SGMS2: variants seen among roughly 807,000 people sequenced by gnomAD.
SGMS2 encodes sphingomyelin synthase 2.
SGMS2 carries 21 observed loss-of-function variants against 43.8 expected under a neutral mutation model. The ratio of observed to expected loss-of-function variants is 0.48; its 90% CI spans 0.34 to 0.69. The LOEUF is 0.69. Ranked by LOEUF, SGMS2 falls within the 30% of genes least tolerant of loss-of-function variation. The pLI is 0.01. For synonymous variants in SGMS2, 167 were observed against 160.6 expected, an observed-to-expected ratio of 1.04 and a Z score of -0.30; for missense variants, 384 against 443.2, an observed-to-expected ratio of 0.87 and a Z score of 1.20.
intron 2 of SGMS2, among the ~76,000 whole-genome samples, chr4:107,892,801 G>A (rs1291055655): frequency 1.3e-5 from 2 of 152,140 alleles, no homozygotes; most frequent in South Asian, 4.1e-4. Flanking sequence ...ATGAGCAGAT[G>A]TGTGACTTTG....
In SGMS2 at chr4:107,899,647, T is replaced by A; in HGVS notation, c.528T>A (p.Val176=). 5.0e-6 allele frequency: 8 copies of A among 1,613,372 alleles called. No homozygotes were observed. The highest frequency in any genetic ancestry group is 6.8e-6 in the Non-Finnish European group (8 of 1,179,644). The change falls in exon 4 of 7, where the codon GTT becomes GTA. Residue 176 remains valine (V), a synonymous_variant. Coordinates refer to ENST00000690982, the MANE Select transcript of SGMS2 (RefSeq NM_001375905.1). ...LYLYRCITMY[V]TTLPVPGMHF... is the part of the protein sequence containing the mutation. ...TGTATCGCTGCATTACAATGTATGT[T>A]ACTACTCTACCTGTGCCTGGAATGC...
At position 107,895,299 on chromosome 4, in the gene SGMS2, T is replaced by G; in HGVS notation, c.-244-11T>G. The stretch of plus-strand genomic sequence containing the variant: ...GCATAGTTTCTGAACATAATTTTGT[T>G]TTGCTTTTAGGTGGGATAGTAACAT... On this transcript the variant is annotated splice_polypyrimidine_tract_variant and intron_variant, in intron 2 of 6. Coordinates refer to ENST00000690982, the MANE Select transcript of SGMS2 (RefSeq NM_001375905.1). The G allele has an allele frequency of 2.3e-6, 1 of 431,152 alleles. No homozygotes were observed. The highest frequency in any genetic ancestry group is 3.6e-5 in the East Asian group (1 of 27,930). The allele number at this position is 431,152 out of a possible 1,614,324, so 26.7% of individuals were successfully genotyped here. A position where few individuals can be genotyped will look rare whatever the true frequency, so the allele number is the denominator to read the frequency against.
chr4:107,906,133 G>GGAA (rs1382358624), intron 5 of SGMS2, among the ~76,000 whole-genome samples: 1 of 152,138 alleles, frequency 6.6e-6, no homozygotes, highest in Non-Finnish European at 1.5e-5. Flanking sequence ...TTCTGAGTAA[G>GGAA]CAGTGGTTCC....
chr4:107,829,587 T>A (rs1400962946), intron 1 of SGMS2, among the ~76,000 whole-genome samples: 1 of 152,220 alleles, frequency 6.6e-6, no homozygotes, highest in East Asian at 1.9e-4. Context: ...CTATACAATT[T>A]GAAATTCAGC....
At chr4:107,884,508 G>T (rs76185296) in intron 2 of SGMS2, among the ~76,000 whole-genome samples, 81 of 146,286 alleles carry the variant, frequency 5.5e-4, no homozygotes, top group African/African-American at 1.9e-3. Context: ...AAAGGGGGGG[G>T]AAATGTGAAA....
intron 1 of SGMS2, among the ~76,000 whole-genome samples, chr4:107,856,955 A>G (rs1320825741): frequency 6.6e-6 from 1 of 152,178 alleles, no homozygotes; most frequent in East Asian, 1.9e-4. Flanking sequence ...CACCAACCCC[A>G]CTATTTAATT....
At chr4:107,849,033 T>A (rs1048308101) in intron 1 of SGMS2, among the ~76,000 whole-genome samples, 1 of 152,206 alleles carries the variant, frequency 6.6e-6, no homozygotes, top group African/African-American at 2.4e-5. Flanking sequence ...CATTTTTTTT[T>A]ACATATGGAA....
rs893091095 is a variant in SGMS2, at chr4:107,914,384, A to C, written c.*3831A>C. 1.3e-5 allele frequency: 2 copies of C among 152,156 alleles called. No homozygotes were observed. The highest frequency in any genetic ancestry group is 2.4e-5 in the African/African-American group (1 of 41,452). 9.4% of individuals were successfully genotyped at this position (152,156 alleles called of 1,614,324 possible). ...AAAGAGGAAACGATGAACAAAAACT[A>C]ATCTAATTGCCAAGTTAGAATTCAT... On this transcript the variant is annotated 3_prime_UTR_variant, in exon 7 of 7. Transcript: ENST00000690982.
chr4:107,888,845 G>C (rs1729972706), intron 2 of SGMS2, among the ~76,000 whole-genome samples: 1 of 151,668 alleles, frequency 6.6e-6, no homozygotes, highest in African/African-American at 2.4e-5. Context: ...ATTATGACCT[G>C]TTTGTCTACA....
intron 1 of SGMS2, among the ~76,000 whole-genome samples, chr4:107,845,196 G>A (rs1271641558): frequency 3.3e-5 from 5 of 152,266 alleles, no homozygotes; most frequent in African/African-American, 7.2e-5. Context: ...GGATGATGTC[G>A]TAGCATCCTG....
chr4:107,871,756 C>T (rs1283189937), intron 2 of SGMS2, among the ~76,000 whole-genome samples: 1 of 152,002 alleles, frequency 6.6e-6, no homozygotes, highest in Non-Finnish European at 1.5e-5. Flanking sequence ...GTTTCTATCC[C>T]GTTTACTCAA....
At chr4:107,865,581 T>C (rs1315174946) in intron 2 of SGMS2, among the ~76,000 whole-genome samples, 2 of 152,236 alleles carry the variant, frequency 1.3e-5, no homozygotes, top group Non-Finnish European at 2.9e-5. Context: ...CAGAATACTT[T>C]TTTATATTCT....
At chr4:107,829,249 TTATAAA>T (rs1560625362) in intron 1 of SGMS2, among the ~76,000 whole-genome samples, 1 of 152,244 alleles carries the variant, frequency 6.6e-6, no homozygotes, top group South Asian at 2.1e-4. Context: ...TTTATTTTTA[TTATAAA>T]TATAAAGCAT....
chr4:107,862,135 A>G (rs1727769442), intron 2 of SGMS2, among the ~76,000 whole-genome samples: 1 of 152,258 alleles, frequency 6.6e-6, no homozygotes. Context: ...TTTAACGCAT[A>G]GAAATGACTG....
intron 1 of SGMS2, among the ~76,000 whole-genome samples, chr4:107,856,500 A>G (rs1479849466): frequency 6.6e-6 from 1 of 152,214 alleles, no homozygotes; most frequent in African/African-American, 2.4e-5. Context: ...ACCATGCTCT[A>G]AACAATTGTA....
At chr4:107,832,267 A>G (rs1725934170) in intron 1 of SGMS2, among the ~76,000 whole-genome samples, 1 of 152,222 alleles carries the variant, frequency 6.6e-6, no homozygotes, top group African/African-American at 2.4e-5. Context: ...AATATATGCC[A>G]TATGGTAAAT....
intron 1 of SGMS2, among the ~76,000 whole-genome samples, chr4:107,848,977 C>G (rs914782432): frequency 1.3e-5 from 2 of 152,048 alleles, no homozygotes; most frequent in African/African-American, 2.4e-5. Context: ...AACCTAAGGT[C>G]ACTTAGATTT....
Position 107,884,955 on chromosome 4 carries a change from T to TCTC in SGMS2, c.-244-10355_-244-10354insCTC, listed in dbSNP as rs1729632367. On this transcript the variant is annotated intron_variant, in intron 2 of 6. Coordinates refer to ENST00000690982, the MANE Select transcript of SGMS2 (RefSeq NM_001375905.1). ...TCTCAGGTTTTCAGGGTTCACACTA[T>TCTC]AGTTATCCTTTCCTACCAGTGTCTG... Among the ~76,000 whole-genome samples, 7 of 152,318 alleles carry TCTC rather than the reference T, an allele frequency of 4.6e-5. No individual in the cohort carries two copies. The South Asian group carries it at 1.5e-3, about 32-fold the overall frequency.
chr4:107,856,754 G>C (rs1380201133), intron 1 of SGMS2, among the ~76,000 whole-genome samples: 1 of 152,074 alleles, frequency 6.6e-6, no homozygotes, highest in Non-Finnish European at 1.5e-5. Flanking sequence ...CTTTTAATGG[G>C]GTCTAGTAAT....
Sources: gnomAD v4.1 joint callset for allele counts (sites outside exome capture counted in the v4.1 genomes callset) on GRCh38, gnomAD v4.1.1 for gene constraint, MANE v1.5 for transcripts, NCBI Gene and HGNC (gene_info 2026-07-23, HGNC 2026-07-21) for gene names.